FBXO28: variants seen among roughly 807,000 people sequenced by gnomAD.
FBXO28 encodes F-box only protein 28.
A neutral mutation model predicts 38.1 loss-of-function variants in FBXO28; 8 were observed. The observed-to-expected ratio is 0.21, with a 90% CI of 0.12 to 0.38. The LOEUF (loss-of-function observed/expected upper bound fraction) is 0.38, where lower values mean the gene tolerates loss of function less well. FBXO28 is among the 10% of genes least tolerant of loss of function. FBXO28 has a pLI of 1.00. For missense variants in FBXO28, 345 were observed against 460.6 expected, an observed-to-expected ratio of 0.75 and a Z score of 2.30; for synonymous variants, 168 against 173.8, an observed-to-expected ratio of 0.97 and a Z score of 0.26.
chr1:224,123,442 CAA>C (rs10647785), intron 1 of FBXO28, among the ~76,000 whole-genome samples: 93 of 64,290 alleles, frequency 1.4e-3, no homozygotes, highest in African/African-American at 5.4e-3. Flanking sequence ...GACCCTGTCT[CAA>C]AAAAAAAAAA....
chr1:224,161,096 T>G lies in FBXO28; in HGVS notation c.*3350T>G, dbSNP rs1381455588. ...TCCTTATTCTTAATAAACTTTTTCC[T>G]GAGACAGGGCACTTAATTCTATTTT... is the stretch of plus-strand genomic sequence containing the variant. On this transcript the variant is annotated 3_prime_UTR_variant, in exon 5 of 5. Coordinates refer to ENST00000366862, the MANE Select transcript of FBXO28 (RefSeq NM_015176.4). 6.6e-6 allele frequency: 1 copy of G among 152,238 alleles called. No individual in the cohort carries two copies. Among genetic ancestry groups the G allele is most frequent in the African/African-American group, 2.4e-5 (1 of 41,468 alleles). 9.4% of individuals were successfully genotyped at this position (152,238 alleles called of 1,614,324 possible).
Position 224,157,979 on chromosome 1 carries a change from A to G in FBXO28, c.*233A>G, listed in dbSNP as rs1657810722. ...TTGTACTAACCAGACCTGTTCTATC[A>G]TGTTTTGAGGAGTTAACTTTTTTCT... is the stretch of plus-strand genomic sequence containing the variant. On this transcript the variant is annotated 3_prime_UTR_variant, in exon 5 of 5. Coordinates refer to ENST00000366862, the MANE Select transcript of FBXO28 (RefSeq NM_015176.4). 5.4e-6 allele frequency: 7 copies of G among 1,294,232 alleles called. No individual in the cohort carries two copies. Among genetic ancestry groups the G allele is most frequent in the Non-Finnish European group, 6.8e-6 (7 of 1,024,480 alleles). 80.2% of individuals were successfully genotyped at this position (1,294,232 alleles called of 1,614,324 possible). A position where few individuals can be genotyped will look rare whatever the true frequency, so the allele number is the denominator to read the frequency against.
chr1:224,120,863 CAAAAAAAAA>C (rs5781347), intron 1 of FBXO28, among the ~76,000 whole-genome samples: 4 of 118,968 alleles, frequency 3.4e-5, no homozygotes, highest in African/African-American at 1.3e-4. Flanking sequence ...AACTCCATCT[CAAAAAAAAA>C]AAAAAAAGAA....
At chr1:224,145,500 A>G (rs1010961905) in intron 3 of FBXO28, among the ~76,000 whole-genome samples, 22 of 152,174 alleles carry the variant, frequency 1.4e-4, no homozygotes, top group Admixed American at 1.4e-3. Flanking sequence ...TGTATAATAT[A>G]GTAAATACTA....
chr1:224,117,500 G>A (rs1005227949), intron 1 of FBXO28, among the ~76,000 whole-genome samples: 2 of 151,830 alleles, frequency 1.3e-5, no homozygotes, highest in Admixed American at 6.6e-5. Flanking sequence ...TCCTGAGTCT[G>A]GTGGTTTCAC....
intron 4 of FBXO28, among the ~76,000 whole-genome samples, chr1:224,156,318 C>T (rs1370274820): frequency 6.6e-6 from 1 of 152,102 alleles, no homozygotes; most frequent in African/African-American, 2.4e-5. Context: ...TCTCTGTGGT[C>T]ATAATGTATG....
rs544873600 is a variant in FBXO28 at position 224,138,345 on chromosome 1, G to A, written c.516+4133G>A. Among the ~76,000 whole-genome samples the A allele has an allele frequency of 1.9e-3, 292 of 151,960 alleles. 7 individuals carry two copies. The highest frequency in any genetic ancestry group is 3.0e-3 in the Non-Finnish European group (207 of 68,016). On this transcript the variant is annotated intron_variant, in intron 3 of 4. Coordinates refer to ENST00000366862, the MANE Select transcript of FBXO28 (RefSeq NM_015176.4). ...TTTTGGCCCTGTGAACCTTGTGCTC[G>A]CTGTGACAGCTATGCAATTCTGAGA...
In FBXO28 at chr1:224,161,443, A is replaced by G. The variant is rs1276703140; in HGVS notation, c.*3697A>G. ...TGTTTGGAAATGGCTGATTTCTGAT[A>G]TGAAACCCAACTTGATACACTGTTT... On this transcript the variant is annotated 3_prime_UTR_variant, in exon 5 of 5. Transcript: ENST00000366862. 1 of 152,214 alleles carries G rather than the reference A, an allele frequency of 6.6e-6. No individual in the cohort carries two copies. The highest frequency in any genetic ancestry group is 1.5e-5 in the Non-Finnish European group (1 of 68,038). The allele number at this position is 152,214 out of a possible 1,614,324, so 9.4% of individuals were successfully genotyped here.
rs573947184 is a variant in FBXO28 at position 224,124,047 on chromosome 1, T to A, written c.268-6425T>A. 2.0e-5 allele frequency among the ~76,000 whole-genome samples: 3 copies of A among 152,218 alleles called. No homozygotes were observed. In the East Asian group the frequency reaches 5.8e-4, roughly 29 times the overall value. On this transcript the variant is annotated intron_variant, in intron 1 of 4. Coordinates refer to ENST00000366862, the MANE Select transcript of FBXO28 (RefSeq NM_015176.4). Reference sequence around the variant, plus strand: ...ATCACTTGAACCCGGGAGGCAAAGGTTGCAGTGAGTGGAGATTGCACCACT... The same window carrying A: ...ATCACTTGAACCCGGGAGGCAAAGGATGCAGTGAGTGGAGATTGCACCACT...
chr1:224,135,676 AG>A (rs1657164352), intron 3 of FBXO28, among the ~76,000 whole-genome samples: 2 of 151,804 alleles, frequency 1.3e-5, no homozygotes, highest in Admixed American at 1.3e-4. Flanking sequence ...CCTGTACAGA[AG>A]AAGTCACCAA....
At chr1:224,136,063 G>A (rs1470614568) in intron 3 of FBXO28, among the ~76,000 whole-genome samples, 1 of 143,706 alleles carries the variant, frequency 7.0e-6, no homozygotes, top group African/African-American at 2.6e-5. Context: ...TAAATCCACT[G>A]GAGTCCTGTC....
intron 4 of FBXO28, among the ~76,000 whole-genome samples, chr1:224,156,886 C>T (rs1291097248): frequency 6.6e-6 from 1 of 151,538 alleles, no homozygotes; most frequent in South Asian, 2.1e-4. Context: ...CCTGTAGTCC[C>T]AGCTACTTGG....
intron 1 of FBXO28, among the ~76,000 whole-genome samples, chr1:224,125,199 C>G (rs1436276556): frequency 6.6e-6 from 1 of 151,606 alleles, no homozygotes; most frequent in Non-Finnish European, 1.5e-5. Context: ...ACTGCAGCCT[C>G]AAACTCCTGG....
At chr1:224,119,560 CAAAGT>C (rs1334709412) in intron 1 of FBXO28, among the ~76,000 whole-genome samples, 3 of 152,066 alleles carry the variant, frequency 2.0e-5, no homozygotes, top group Non-Finnish European at 4.4e-5. Flanking sequence ...CCAGTTCTCA[CAAAGT>C]AAAGAGGTTC....
In FBXO28 at chr1:224,161,594, G is replaced by C. The variant is rs1222241185; in HGVS notation, c.*3848G>C. The C allele has an allele frequency of 6.6e-6, 1 of 152,182 alleles. No individual in the cohort carries two copies. The highest frequency in any genetic ancestry group is 2.4e-5 in the African/African-American group (1 of 41,436). The allele number at this position is 152,182 out of a possible 1,614,324, so 9.4% of individuals were successfully genotyped here. A position where few individuals can be genotyped will look rare whatever the true frequency, so the allele number is the denominator to read the frequency against. ...TATTTTCAAAAAATACTAAATCTAT[G>C]AACTGAGACTAGCAATTAGTTGGCT... On this transcript the variant is annotated 3_prime_UTR_variant, in exon 5 of 5. Coordinates refer to ENST00000366862, the MANE Select transcript of FBXO28 (RefSeq NM_015176.4).
chr1:224,114,492 A>G, intron 1 of FBXO28, 96 bp downstream of exon 1: 2 of 1,098,934 alleles, frequency 1.8e-6, no homozygotes, highest in African/African-American at 1.6e-5. Flanking sequence ...GCCCCCCGCG[A>G]GCCCCAGCCG....
intron 3 of FBXO28, among the ~76,000 whole-genome samples, chr1:224,143,310 A>G (rs1657410427): frequency 6.6e-6 from 1 of 151,878 alleles, no homozygotes; most frequent in Admixed American, 6.6e-5. Context: ...ATATATCTGC[A>G]TGAGTTTTCT....
intron 3 of FBXO28, among the ~76,000 whole-genome samples, chr1:224,134,720 T>C (rs375429306): frequency 1.3e-5 from 2 of 152,324 alleles, no homozygotes; most frequent in South Asian, 4.1e-4. Context: ...AATAACTATA[T>C]TGTGGCATAT....
chr1:224,130,339 C>A, intron 1 of FBXO28, 133 bp from the exon 2 acceptor site: 1 of 595,732 alleles, frequency 1.7e-6, no homozygotes, highest in Non-Finnish European at 2.9e-6. Context: ...GAGACTTCGT[C>A]TCAAAAAAAA....
Sources: allele counts gnomAD v4.1 joint callset (sites outside exome capture counted in the v4.1 genomes callset), GRCh38; gene constraint gnomAD v4.1.1; transcripts MANE v1.5; gene names NCBI Gene and HGNC (gene_info 2026-07-23, HGNC 2026-07-21).